Variants in LINGO2 observed in about 807,000 individuals in gnomAD.
LINGO2 encodes leucine rich repeat and Ig domain containing 2.
In LINGO2, 14 loss-of-function variants were observed where a neutral mutation model predicts 30.6. The observed-to-expected ratio is 0.46, with a 90% confidence interval of 0.30 to 0.72. The LOEUF (loss-of-function observed/expected upper bound fraction) is 0.72, where lower values mean the gene tolerates loss of function less well. Among genes scored for constraint, LINGO2 ranks in the 30% least tolerant of loss-of-function variants. The pLI is 0.07. For missense variants in LINGO2, 729 were observed against 751.7 expected (o/e 0.97, Z 0.35); for synonymous variants, 317 against 288.5 (o/e 1.10, Z -1.00).
intron 1 of LINGO2, among the ~76,000 whole-genome samples, chr9:28,614,059 C>T (rs1400145763): frequency 6.6e-6 from 1 of 152,052 alleles, no homozygotes; most frequent in Non-Finnish European, 1.5e-5. Flanking sequence ...TTTACTGATG[C>T]CTGGACTAGA....
intron 1 of LINGO2, among the ~76,000 whole-genome samples, chr9:28,547,256 C>T (rs979567806): frequency 2.6e-5 from 4 of 152,004 alleles, no homozygotes; most frequent in Non-Finnish European, 2.9e-5. Flanking sequence ...TTTCTATAAC[C>T]GTCCTTTCAT....
At chr9:28,875,398 C>T in the LINGO2 span, among the ~76,000 whole-genome samples, 181 of 152,108 alleles carry the variant, frequency 1.2e-3, 1 homozygote, top group African/African-American at 4.2e-3. Context: ...GTATTTCATC[C>T]TGAACACTCT....
At chr9:28,805,271 C>T in the LINGO2 span, among the ~76,000 whole-genome samples, 81,015 of 151,988 alleles carry the variant, frequency 0.53, 21,908 homozygotes, top group Middle Eastern at 0.68. Flanking sequence ...TTCAGTATCA[C>T]ACAACTTGTA....
chr9:28,603,131 A>G (rs1360074453), intron 1 of LINGO2, among the ~76,000 whole-genome samples: 2 of 152,100 alleles, frequency 1.3e-5, no homozygotes, highest in African/African-American at 2.4e-5. Flanking sequence ...AAATGAAAAT[A>G]CAGGATGACA....
intron 1 of LINGO2, among the ~76,000 whole-genome samples, chr9:28,514,573 C>G (rs2135378050): frequency 6.6e-6 from 1 of 152,188 alleles, no homozygotes; most frequent in South Asian, 2.1e-4. Flanking sequence ...AGAGCAAGGC[C>G]CTAACTCTCT....
chr9:29,071,521 A>ATATATATG, the LINGO2 span, among the ~76,000 whole-genome samples: 1 of 140,196 alleles, frequency 7.1e-6, no homozygotes, highest in East Asian at 2.1e-4. Context: ...ATATATATGT[A>ATATATATG]TATGTATATA....
the LINGO2 span, among the ~76,000 whole-genome samples, chr9:28,751,713 T>C: frequency 1.4e-4 from 21 of 152,162 alleles, no homozygotes; most frequent in African/African-American, 4.8e-4. Context: ...ATCTATTTTA[T>C]TGTATACTAG....
the LINGO2 span, among the ~76,000 whole-genome samples, chr9:28,860,178 G>GA: frequency 5.3e-5 from 8 of 151,916 alleles, no homozygotes; most frequent in Non-Finnish European, 7.4e-5. Flanking sequence ...TATTTCATTG[G>GA]AAAAATACCA....
intron 1 of LINGO2, among the ~76,000 whole-genome samples, chr9:28,632,765 TTTATATA>T (rs1827034159): frequency 7.2e-6 from 1 of 138,444 alleles, no homozygotes; most frequent in Admixed American, 7.4e-5. Flanking sequence ...TATATATAGA[TTTATATA>T]TTATATATCG....
At chr9:28,961,469 C>A in the LINGO2 span, among the ~76,000 whole-genome samples, 5 of 152,230 alleles carry the variant, frequency 3.3e-5, no homozygotes, top group African/African-American at 1.2e-4. Flanking sequence ...TGGAGTAGGA[C>A]TCATCCATAT....
chr9:28,510,951 T>C (rs1369425195), intron 1 of LINGO2, among the ~76,000 whole-genome samples: 2 of 152,140 alleles, frequency 1.3e-5, no homozygotes, highest in East Asian at 3.9e-4. Flanking sequence ...GAGAAAGATA[T>C]AGACTGTGGG....
chr9:28,814,808 AACAG>A, the LINGO2 span, among the ~76,000 whole-genome samples: 3 of 147,672 alleles, frequency 2.0e-5, no homozygotes, highest in Non-Finnish European at 4.5e-5. Context: ...CACACACACA[AACAG>A]ACACACACAT....
In LINGO2 at chr9:28,250,604, T is replaced by C. The variant is rs544481200; in HGVS notation, c.-87+44604A>G. Among the ~76,000 whole-genome samples, 532 of 152,232 alleles carry C rather than the reference T, an allele frequency of 3.5e-3. 5 individuals are homozygous for C. Among genetic ancestry groups the C allele is most frequent in the African/African-American group, 0.012 (500 of 41,554 alleles). ...CACCACAGAAATATCTGTGTCCCCA[T>C]CCCCGCTCATGATGGCTGAATGGGC... On this transcript the variant is annotated intron_variant, in intron 4 of 5. Coordinates refer to ENST00000379992, the Ensembl canonical transcript of LINGO2.
the LINGO2 span, among the ~76,000 whole-genome samples, chr9:28,681,222 TC>T: frequency 2.0e-5 from 3 of 151,924 alleles, no homozygotes; most frequent in African/African-American, 7.2e-5. Flanking sequence ...CTAACTTAGT[TC>T]CAGTTAGTAG....
the LINGO2 span, among the ~76,000 whole-genome samples, chr9:28,944,337 G>C: frequency 7.0e-6 from 1 of 143,672 alleles, no homozygotes; most frequent in African/African-American, 2.6e-5. Flanking sequence ...TACAAAGGGG[G>C]CTGGACATAC....
At chr9:28,635,616 G>T (rs1827222131) in intron 1 of LINGO2, among the ~76,000 whole-genome samples, 2 of 152,026 alleles carry the variant, frequency 1.3e-5, no homozygotes, top group South Asian at 4.2e-4. Flanking sequence ...TTCATATTAT[G>T]AAATTTATTT....
At chr9:28,492,636 T>C (rs929345992) in intron 1 of LINGO2, among the ~76,000 whole-genome samples, 6 of 152,138 alleles carry the variant, frequency 3.9e-5, no homozygotes, top group Admixed American at 3.3e-4. Flanking sequence ...CTGTTAATTA[T>C]TCCCTCCATT....
the LINGO2 span, among the ~76,000 whole-genome samples, chr9:28,989,062 G>C: frequency 6.6e-6 from 1 of 152,016 alleles, no homozygotes; most frequent in Admixed American, 6.6e-5. Context: ...CAGTGCAGTG[G>C]AACATACAAA....
At chr9:28,172,973 G>T (rs1410295117) in intron 4 of LINGO2, among the ~76,000 whole-genome samples, 1 of 152,132 alleles carries the variant, frequency 6.6e-6, no homozygotes, top group South Asian at 2.1e-4. Flanking sequence ...TTACAAACTT[G>T]TTGAAACTAT....
Sources: gnomAD v4.1 joint callset for allele counts (sites outside exome capture counted in the v4.1 genomes callset) on GRCh38, gnomAD v4.1.1 for gene constraint, MANE v1.5 for transcripts, NCBI Gene and HGNC (gene_info 2026-07-23, HGNC 2026-07-21) for gene names.